Variants in SDK1 observed in about 807,000 individuals in gnomAD.
SDK1 encodes the protein sidekick cell adhesion molecule 1, also known as protein sidekick-1.
In SDK1, 157 loss-of-function variants were observed where a neutral mutation model predicts 245.5. The observed-to-expected ratio is 0.64, with a 90% confidence interval of 0.56 to 0.73. The LOEUF (loss-of-function observed/expected upper bound fraction) is 0.73, where lower values mean the gene tolerates loss of function less well. Among genes scored for constraint, SDK1 ranks in the 30% least tolerant of loss-of-function variants. The probability of loss-of-function intolerance (pLI) is 0.00; values close to 1 mark genes in which losing one functional copy is unlikely to be tolerated. For synonymous variants in SDK1, 1,647 were observed against 1,278.5 expected, an observed-to-expected ratio of 1.29 and a Z score of -6.15; for missense variants, 3,583 against 3,002.3, an observed-to-expected ratio of 1.19 and a Z score of -4.52.
At chr7:3,545,859 A>G (rs947327211) in intron 1 of SDK1, among the ~76,000 whole-genome samples, 1 of 152,228 alleles carries the variant, frequency 6.6e-6, no homozygotes, top group African/African-American at 2.4e-5. Flanking sequence ...ACTCATACCT[A>G]AAATATAATT....
At chr7:3,947,774 T>C (rs1780638082) in intron 5 of SDK1, among the ~76,000 whole-genome samples, 1 of 152,042 alleles carries the variant, frequency 6.6e-6, no homozygotes, top group Non-Finnish European at 1.5e-5. Context: ...TGAAGTGGTG[T>C]GAGCTAAAAG....
chr7:4,049,308 G>A, intron 17 of SDK1, 40 bp from the exon 18 acceptor site: 2 of 1,508,590 alleles, frequency 1.3e-6, no homozygotes, highest in South Asian at 2.3e-5. Flanking sequence ...GGTCCCTCCT[G>A]CCATTTGTTC....
chr7:3,741,984 G>C (rs1217023457), intron 4 of SDK1, among the ~76,000 whole-genome samples: 1 of 91,038 alleles, frequency 1.1e-5, no homozygotes, highest in Non-Finnish European at 2.0e-5. Flanking sequence ...ATATTGTAGT[G>C]TGCATATATA....
At chr7:3,558,544 C>G (rs991824261) in intron 1 of SDK1, among the ~76,000 whole-genome samples, 1 of 152,200 alleles carries the variant, frequency 6.6e-6, no homozygotes, top group Non-Finnish European at 1.5e-5. Context: ...CAGTGATTGG[C>G]CTGGTACAGG....
At chr7:3,808,782 T>C (rs1779313044) in intron 4 of SDK1, among the ~76,000 whole-genome samples, 1 of 152,084 alleles carries the variant, frequency 6.6e-6, no homozygotes, top group South Asian at 2.1e-4. Flanking sequence ...GGCTGTCTGA[T>C]AAAGCAAAGA....
chr7:3,774,988 G>T (rs567645425), intron 4 of SDK1, among the ~76,000 whole-genome samples: 1 of 152,302 alleles, frequency 6.6e-6, no homozygotes, highest in South Asian at 2.1e-4. Flanking sequence ...AGGCTGGGCA[G>T]TGCCCCAGGG....
chr7:4,043,426 A>G (rs35914968), intron 17 of SDK1, among the ~76,000 whole-genome samples: 23,884 of 150,452 alleles, frequency 0.16, 1,925 homozygotes, highest in African/African-American at 0.23. Flanking sequence ...GGGCTCAGGT[A>G]GAGTGAGTGT....
At chr7:3,643,959 G>T (rs567610749) in intron 4 of SDK1, among the ~76,000 whole-genome samples, 19 of 150,526 alleles carry the variant, frequency 1.3e-4, no homozygotes, top group African/African-American at 4.1e-4. Context: ...CTGAGGTACA[G>T]TGGCGTGATC....
intron 41 of SDK1, among the ~76,000 whole-genome samples, chr7:4,236,597 G>A (rs61062113): frequency 0.058 from 8,753 of 152,004 alleles, 842 homozygotes; most frequent in African/African-American, 0.2. Context: ...ACGTGCAGAC[G>A]GCAGGTCCTG....
chr7:3,443,269 G>C (rs1780249919), intron 1 of SDK1, among the ~76,000 whole-genome samples: 2 of 152,118 alleles, frequency 1.3e-5, no homozygotes, highest in African/African-American at 4.8e-5. Context: ...AACTATGTCA[G>C]CATGAGAGCT....
At chr7:4,238,692 G>A (rs1025345036) in intron 42 of SDK1, among the ~76,000 whole-genome samples, 1 of 151,792 alleles carries the variant, frequency 6.6e-6, no homozygotes, top group African/African-American at 2.4e-5. Context: ...AGGATTACAG[G>A]CATGCATCTC....
intron 19 of SDK1, among the ~76,000 whole-genome samples, chr7:4,065,555 C>T (rs1779820286): frequency 6.6e-6 from 1 of 152,134 alleles, no homozygotes; most frequent in African/African-American, 2.4e-5. Flanking sequence ...TCTGGAGGCT[C>T]ACAATTGTGG....
At chr7:3,643,978 C>T (rs1034806924) in intron 4 of SDK1, among the ~76,000 whole-genome samples, 2 of 150,900 alleles carry the variant, frequency 1.3e-5, no homozygotes, top group African/African-American at 2.4e-5. Context: ...TCTCAGCTCA[C>T]TGCAACCTTT....
intron 1 of SDK1, among the ~76,000 whole-genome samples, chr7:3,495,252 CTTT>C (rs71029675): frequency 5.0e-5 from 5 of 99,768 alleles, no homozygotes; most frequent in African/African-American, 1.2e-4. Context: ...CATAATGGTT[CTTT>C]TTTTTTTTTT....
At chr7:3,394,929 C>T (rs1182974318) in intron 1 of SDK1, among the ~76,000 whole-genome samples, 1 of 151,840 alleles carries the variant, frequency 6.6e-6, no homozygotes, top group Non-Finnish European at 1.5e-5. Flanking sequence ...TTTCTATATA[C>T]AGGATCATGT....
intron 1 of SDK1, among the ~76,000 whole-genome samples, chr7:3,336,633 GC>G (rs776362646): frequency 5.9e-5 from 9 of 152,162 alleles, no homozygotes; most frequent in Non-Finnish European, 7.4e-5. Flanking sequence ...TATAAATAGG[GC>G]CCCCGGGGGT....
intron 4 of SDK1, among the ~76,000 whole-genome samples, chr7:3,660,451 G>A (rs1783316594): frequency 6.6e-6 from 1 of 152,106 alleles, no homozygotes; most frequent in Admixed American, 6.6e-5. Context: ...AGAGAATGGG[G>A]AAATAGGAGG....
intron 1 of SDK1, among the ~76,000 whole-genome samples, chr7:3,482,737 C>T (rs1008859692): frequency 6.6e-6 from 1 of 152,182 alleles, no homozygotes; most frequent in Non-Finnish European, 1.5e-5. Context: ...TACAACTCCT[C>T]TCTGGAGGAA....
chr7:3,981,364 G>A (rs1783389913), intron 13 of SDK1, among the ~76,000 whole-genome samples: 1 of 152,110 alleles, frequency 6.6e-6, no homozygotes, highest in African/African-American at 2.4e-5. Context: ...TGTATTCCTT[G>A]AGCCCCACAG....
Sources: gnomAD v4.1 joint callset for allele counts (sites outside exome capture counted in the v4.1 genomes callset) on GRCh38, gnomAD v4.1.1 for gene constraint, MANE v1.5 for transcripts, NCBI Gene and HGNC (gene_info 2026-07-23, HGNC 2026-07-21) for gene names.